The following AFF2 variants were observed in gnomAD, a reference collection of about 807,000 sequenced individuals.
The protein encoded by AFF2 is AF4/FMR2 family member 2.
AFF2 carries 14 observed loss-of-function variants against 76.9 expected under a neutral mutation model. That is an observed-to-expected ratio of 0.18 (90% CI 0.12 to 0.28). The LOEUF (loss-of-function observed/expected upper bound fraction) is 0.28, where lower values mean the gene tolerates loss of function less well. AFF2 is among the 10% of genes least tolerant of loss of function. AFF2 has a pLI of 1.00. For missense variants in AFF2, 868 were observed against 1,001.1 expected (o/e 0.87, Z 1.79); for synonymous variants, 398 against 366.7 (o/e 1.09, Z -0.98).
intron 7 of AFF2, among the ~76,000 whole-genome samples, chrX:148,855,458 C>T (rs1418985267): frequency 9.0e-6 from 1 of 111,408 alleles, no homozygotes; most frequent in Non-Finnish European, 1.9e-5. Flanking sequence ...CTTCAGCAGC[C>T]GGTACAGGAA....
chrX:148,814,992 T>G (rs1365262931), intron 4 of AFF2, among the ~76,000 whole-genome samples: 2 of 111,758 alleles, frequency 1.8e-5, no homozygotes, highest in African/African-American at 6.5e-5. Context: ...TGATTTTATA[T>G]CCTGTCAAAT....
Position 148,995,484 on chromosome X carries a change from TGGGGGC to T in AFF2, c.*4158_*4163del, listed in dbSNP as rs2072585840. 1 of 1,830 alleles carries T rather than the reference TGGGGGC, an allele frequency of 5.5e-4. No individual in the cohort carries two copies. The highest frequency in any genetic ancestry group is 1.4e-3 in the Non-Finnish European group (1 of 733). The allele number at this position is 1,830 out of a possible 1,213,427, so 0.2% of individuals were successfully genotyped here. ...GGGGAGGGCAGAAAGGGGGTGGGGG[TGGGGGC>T]GGGGGGGTGGGGGGTGGGGAAGCCC... is the stretch of plus-strand genomic sequence containing the variant. On this transcript the variant is annotated 3_prime_UTR_variant, in exon 21 of 21. Coordinates refer to ENST00000370460, the MANE Select transcript of AFF2 (RefSeq NM_002025.4).
At chrX:148,893,302 C>T in intron 8 of AFF2, among the ~76,000 whole-genome samples, 1 of 111,840 alleles carries the variant, frequency 8.9e-6, no homozygotes, top group Non-Finnish European at 1.9e-5. Context: ...CTGCTTAGGG[C>T]TTGTATGATG....
At chrX:148,701,082 C>A (rs1321787857) in intron 3 of AFF2, among the ~76,000 whole-genome samples, 5 of 107,828 alleles carry the variant, frequency 4.6e-5, no homozygotes, top group Non-Finnish European at 9.6e-5. Context: ...TGTGCCCACA[C>A]CATTATGGTA....
At chrX:148,731,605 G>A (rs1048891586) in intron 3 of AFF2, among the ~76,000 whole-genome samples, 3 of 111,091 alleles carry the variant, frequency 2.7e-5, no homozygotes, top group Non-Finnish European at 5.7e-5. Context: ...TTTAAGCACA[G>A]CAAAAGAAAC....
chrX:148,842,312 G>A (rs1457997671), intron 5 of AFF2, among the ~76,000 whole-genome samples: 2 of 112,624 alleles, frequency 1.8e-5, no homozygotes, highest in Non-Finnish European at 3.7e-5. Context: ...TCAAAACAGT[G>A]AATGAATTGT....
chrX:148,855,441 C>T (rs2070776769), intron 7 of AFF2, among the ~76,000 whole-genome samples: 1 of 111,337 alleles, frequency 9.0e-6, no homozygotes, highest in African/African-American at 3.3e-5. Context: ...TATCCACTCC[C>T]CTATTTCTTC....
At chrX:148,647,951 C>T (rs782365968) in intron 1 of AFF2, among the ~76,000 whole-genome samples, 1 of 111,680 alleles carries the variant, frequency 9.0e-6, no homozygotes, top group East Asian at 2.8e-4. Flanking sequence ...CTAGATCTCA[C>T]GGAATCTACA....
chrX:148,882,227 G>T (rs1398545986), intron 7 of AFF2, among the ~76,000 whole-genome samples: 1 of 111,653 alleles, frequency 9.0e-6, no homozygotes, highest in Non-Finnish European at 1.9e-5. Flanking sequence ...GCCCTTGGAG[G>T]CCACTAGGTT....
chrX:148,897,479 T>A (rs371798002), intron 8 of AFF2, among the ~76,000 whole-genome samples: 1 of 104,282 alleles, frequency 9.6e-6, no homozygotes, highest in East Asian at 3.1e-4. Flanking sequence ...AAGCAGTCAG[T>A]TAGTATTTAG....
intron 2 of AFF2, 129 bp downstream of exon 2, chrX:148,652,260 A>C (rs782681525): frequency 5.5e-5 from 28 of 510,280 alleles, no homozygotes; most frequent in Non-Finnish European, 8.3e-5. Context: ...AAATTTGTAC[A>C]TACACTGTAT....
At chrX:148,755,711 T>A (rs1360457484) in intron 3 of AFF2, among the ~76,000 whole-genome samples, 3 of 112,085 alleles carry the variant, frequency 2.7e-5, no homozygotes, top group Admixed American at 1.9e-4. Context: ...ATCTGTTATC[T>A]ATCTATCTAT....
chrX:148,558,995 G>T (rs1257458489), intron 1 of AFF2, among the ~76,000 whole-genome samples: 6 of 110,760 alleles, frequency 5.4e-5, no homozygotes, highest in Non-Finnish European at 1.1e-4. Context: ...TGAGATAGTG[G>T]TAATAGGAGT....
At chrX:148,583,502 G>A (rs1458851465) in intron 1 of AFF2, among the ~76,000 whole-genome samples, 1 of 111,659 alleles carries the variant, frequency 9.0e-6, no homozygotes, top group Non-Finnish European at 1.9e-5. Context: ...ATCATGCATA[G>A]TAGTTTCTAT....
intron 3 of AFF2, among the ~76,000 whole-genome samples, chrX:148,785,967 T>C (rs782146362): frequency 2.7e-5 from 3 of 111,757 alleles, no homozygotes; most frequent in East Asian, 5.6e-4. Flanking sequence ...TACCCAGGTC[T>C]CTGTCCCAGC....
At position 148,973,193 on chromosome X, in the gene AFF2, T is replaced by A. The variant is rs782760540; in HGVS notation, c.3268-278T>A. ...TAAGACCAATTCATACATTGTCTTC[T>A]GTATCAGGGTTTCTTAGCCTGGGCA... On this transcript the variant is annotated intron_variant, in intron 15 of 20. Transcript: ENST00000370460. Among the ~76,000 whole-genome samples the A allele has an allele frequency of 1.6e-3, 181 of 111,862 alleles. 1 individual carries two copies. Among genetic ancestry groups the A allele is most frequent in the African/African-American group, 5.7e-3 (175 of 30,730 alleles).
At chrX:148,774,133 A>G (rs980840314) in intron 3 of AFF2, among the ~76,000 whole-genome samples, 2 of 112,110 alleles carry the variant, frequency 1.8e-5, no homozygotes, top group Non-Finnish European at 3.8e-5. Context: ...ACTTGCCATT[A>G]TTAGTTTACA....
chrX:148,585,840 CAAAA>C (rs1194523651), intron 1 of AFF2, among the ~76,000 whole-genome samples: 1 of 25,545 alleles, frequency 3.9e-5, no homozygotes. Flanking sequence ...GACTGCGTCT[CAAAA>C]AAAAAAAAAA....
chrX:148,845,209 AT>A (rs1286328957), intron 7 of AFF2, among the ~76,000 whole-genome samples: 4 of 111,080 alleles, frequency 3.6e-5, no homozygotes, highest in Non-Finnish European at 7.5e-5. Flanking sequence ...ATAAAAATAG[AT>A]TTTCCTATGT....
Sources: allele counts gnomAD v4.1 joint callset (sites outside exome capture counted in the v4.1 genomes callset), GRCh38; gene constraint gnomAD v4.1.1; transcripts MANE v1.5; gene names NCBI Gene and HGNC (gene_info 2026-07-23, HGNC 2026-07-21).